TTBK2: variants seen among roughly 807,000 people sequenced by gnomAD.
TTBK2 encodes tau-tubulin kinase 2.
Under a neutral mutation model 110.8 loss-of-function variants are expected in TTBK2, and 28 were observed. The observed-to-expected ratio is 0.25, with a 90% confidence interval of 0.19 to 0.35. TTBK2 has a LOEUF of 0.35. Ranked by LOEUF, TTBK2 falls within the 10% of genes least tolerant of loss-of-function variation. The pLI is 1.00. For missense variants in TTBK2, 1,369 were observed against 1,500.3 expected (o/e 0.91, Z 1.45); for synonymous variants, 532 against 527.3 (o/e 1.01, Z -0.12).
chr15:42,887,425 A>G (rs188686554), intron 1 of TTBK2, among the ~76,000 whole-genome samples: 133 of 152,206 alleles, frequency 8.7e-4, no homozygotes, highest in African/African-American at 3.2e-3. Context: ...TTGCCATCCC[A>G]TTAAAACCTA....
chr15:42,890,710 G>A (rs1214057275), intron 1 of TTBK2, among the ~76,000 whole-genome samples: 2 of 152,126 alleles, frequency 1.3e-5, no homozygotes, highest in African/African-American at 4.8e-5. Context: ...TGCTAATGAA[G>A]TGACTCCAAG....
chr15:42,772,159 T>C (rs1034819719), intron 13 of TTBK2, among the ~76,000 whole-genome samples: 1 of 152,096 alleles, frequency 6.6e-6, no homozygotes, highest in South Asian at 2.1e-4. Flanking sequence ...AGTGATGGTA[T>C]GTCCCTTCTG....
chr15:42,815,893 A>T lies in TTBK2; in HGVS notation c.603+1139T>A, dbSNP rs1433625995. ...ATATTTAAATATATATATATTTAAA[A>T]ATATATATATATATTTAAAAATATA... On this transcript the variant is annotated intron_variant, in intron 7 of 14. Transcript: ENST00000267890. 1.5e-3 allele frequency among the ~76,000 whole-genome samples: 149 copies of T among 102,154 alleles called. 4 individuals carry two copies. The East Asian group carries it at 0.018, about 13-fold the overall frequency. 67.0% of individuals were successfully genotyped at this position (102,154 alleles called of 152,430 possible).
At chr15:42,886,981 T>C (rs1895271288) in intron 1 of TTBK2, among the ~76,000 whole-genome samples, 2 of 152,190 alleles carry the variant, frequency 1.3e-5, no homozygotes, top group South Asian at 4.1e-4. Context: ...CCCAATCTCC[T>C]TGGAAGCCTC....
At chr15:42,813,771 AGGAGGC>A (rs1243357520) in intron 7 of TTBK2, among the ~76,000 whole-genome samples, 1 of 151,542 alleles carries the variant, frequency 6.6e-6, no homozygotes, top group Non-Finnish European at 1.5e-5. Flanking sequence ...GCTAGAACCC[AGGAGGC>A]GGAGGTTGCA....
At chr15:42,892,514 C>A (rs1248234540) in intron 1 of TTBK2, among the ~76,000 whole-genome samples, 1 of 151,578 alleles carries the variant, frequency 6.6e-6, no homozygotes, top group Non-Finnish European at 1.5e-5. Context: ...CAAGACCAAC[C>A]TAAGCAACAT....
At position 42,745,305 on chromosome 15, in the gene TTBK2, A is replaced by G. The variant is rs142589086; in HGVS notation, c.*490T>C. 66 of 182,628 alleles carry G rather than the reference A, an allele frequency of 3.6e-4. No homozygotes were observed. In the East Asian group the frequency reaches 8.4e-3, roughly 23 times the overall value. 11.3% of individuals were successfully genotyped at this position (182,628 alleles called of 1,614,324 possible). On this transcript the variant is annotated 3_prime_UTR_variant, in exon 15 of 15. Transcript: ENST00000267890. ...TACACGAAATAAACACACAAGCCAA[A>G]TATACATGAATACTGGCTCCCTGGC...
At chr15:42,808,268 T>C (rs1891562669) in intron 9 of TTBK2, among the ~76,000 whole-genome samples, 1 of 152,226 alleles carries the variant, frequency 6.6e-6, no homozygotes, top group African/African-American at 2.4e-5. Context: ...CGTGTTGAAG[T>C]AATAATATTC....
chr15:42,824,707 G>A (rs1892454067), intron 6 of TTBK2, among the ~76,000 whole-genome samples: 1 of 151,988 alleles, frequency 6.6e-6, no homozygotes. Flanking sequence ...GTACACTGGG[G>A]ACTACTTCAG....
chr15:42,773,596 G>C (rs1889770987), intron 13 of TTBK2, among the ~76,000 whole-genome samples: 1 of 152,204 alleles, frequency 6.6e-6, no homozygotes, highest in Admixed American at 6.5e-5. Flanking sequence ...TTGTAAATAG[G>C]ACAGCGTCGA....
At chr15:42,826,687 G>A (rs1283528026) in intron 6 of TTBK2, among the ~76,000 whole-genome samples, 3 of 152,120 alleles carry the variant, frequency 2.0e-5, no homozygotes, top group African/African-American at 7.2e-5. Context: ...GTTCAGACAT[G>A]TTATCTGACC....
intron 8 of TTBK2, 105 bp downstream of exon 8, chr15:42,811,583 G>A (rs1891722717): frequency 3.5e-6 from 3 of 849,862 alleles, no homozygotes; most frequent in Non-Finnish European, 5.7e-6. Flanking sequence ...GAAAATGCTT[G>A]TAGATTTTAA....
chr15:42,840,479 T>C, intron 3 of TTBK2, 46 bp from the exon 4 acceptor site: 1 of 1,524,098 alleles, frequency 6.6e-7, no homozygotes, highest in Non-Finnish European at 9.1e-7. Context: ...CTATGGTTTC[T>C]CTTAAAAAAT....
At chr15:42,807,733 G>A (rs1891533641) in intron 9 of TTBK2, among the ~76,000 whole-genome samples, 1 of 152,014 alleles carries the variant, frequency 6.6e-6, no homozygotes, top group Admixed American at 6.6e-5. Context: ...CACTGTGCTT[G>A]GCCCACTCTG....
intron 14 of TTBK2, among the ~76,000 whole-genome samples, chr15:42,749,627 T>C (rs1414255841): frequency 2.0e-5 from 3 of 152,188 alleles, no homozygotes; most frequent in Admixed American, 6.5e-5. Context: ...AAGAGGTAGG[T>C]AGTAACTCTT....
intron 3 of TTBK2, among the ~76,000 whole-genome samples, chr15:42,870,137 G>A (rs926832537): frequency 6.6e-6 from 1 of 151,858 alleles, no homozygotes; most frequent in African/African-American, 2.4e-5. Context: ...TTGTGCCACT[G>A]CACTCCAGCC....
At chr15:42,913,286 G>A (rs905316898) in intron 1 of TTBK2, among the ~76,000 whole-genome samples, 4 of 152,036 alleles carry the variant, frequency 2.6e-5, no homozygotes, top group African/African-American at 9.7e-5. Flanking sequence ...TTTCAGGGGA[G>A]GTAAATTATA....
At chr15:42,746,957 C>T (rs78432217) in intron 14 of TTBK2, among the ~76,000 whole-genome samples, 1,677 of 150,176 alleles carry the variant, frequency 0.011, 27 homozygotes, top group African/African-American at 0.039. Flanking sequence ...TGAGCTTGGG[C>T]CTCAGATTTT....
At chr15:42,760,839 C>T (rs2062015667) in intron 13 of TTBK2, among the ~76,000 whole-genome samples, 1 of 152,084 alleles carries the variant, frequency 6.6e-6, no homozygotes, top group Admixed American at 6.6e-5. Flanking sequence ...AATAGAAAAA[C>T]AATCCGACCC....
Sources: allele counts gnomAD v4.1 joint callset (sites outside exome capture counted in the v4.1 genomes callset), GRCh38; gene constraint gnomAD v4.1.1; transcripts MANE v1.5; gene names NCBI Gene and HGNC (gene_info 2026-07-23, HGNC 2026-07-21).